The following FBXO11 variants were observed in gnomAD, a reference collection of about 807,000 sequenced individuals.
FBXO11 encodes the protein F-box only protein 11.
Under a neutral mutation model 117.0 loss-of-function variants are expected in FBXO11, and 13 were observed. The ratio of observed to expected loss-of-function variants is 0.11; its 90% CI spans 0.07 to 0.18. The LOEUF is 0.18. Ranked by LOEUF, FBXO11 falls within the 10% of genes least tolerant of loss-of-function variation. The pLI is 1.00. For synonymous variants in FBXO11, 490 were observed against 380.5 expected (o/e 1.29, Z -3.35); for missense variants, 767 against 1,164.4 (o/e 0.66, Z 4.97).
chr2:47,905,625 C>G lies in FBXO11; in HGVS notation c.96G>C (p.Pro32=), dbSNP rs1271530155. Residue 32 remains proline (P), a synonymous_variant, in exon 1 of 23, where the codon CCG becomes CCC. Coordinates refer to ENST00000403359, the MANE Select transcript of FBXO11 (RefSeq NM_001190274.2). ...GCGGCTGCTGCTGGGGCGGCTGCGG[C>G]GGCGGCTGCTGCGGGGGCTGCTGCT... The part of the protein sequence containing the change: ...QQQQQPPQQP[P]PQPPQQQPPQ... The G allele has an allele frequency of 5.1e-6, 7 of 1,382,818 alleles. 1 individual carries two copies. In the South Asian group the frequency reaches 9.7e-5, roughly 19 times the overall value. 85.7% of individuals were successfully genotyped at this position (1,382,818 alleles called of 1,614,324 possible).
intron 1 of FBXO11, among the ~76,000 whole-genome samples, chr2:47,849,128 G>A (rs1673644593): frequency 1.3e-5 from 2 of 151,726 alleles, no homozygotes; most frequent in South Asian, 4.2e-4. Flanking sequence ...AACACAGTTG[G>A]AAACTACCAC....
intron 1 of FBXO11, among the ~76,000 whole-genome samples, chr2:47,845,781 C>T (rs544913406): frequency 6.6e-6 from 1 of 151,988 alleles, no homozygotes; most frequent in Non-Finnish European, 1.5e-5. Flanking sequence ...CCAATCAGTA[C>T]TCAATAAATA....
At chr2:47,860,170 CTTCTGT>C (rs769519164) in intron 1 of FBXO11, among the ~76,000 whole-genome samples, 4 of 152,106 alleles carry the variant, frequency 2.6e-5, no homozygotes, top group Non-Finnish European at 5.9e-5. Flanking sequence ...GTCTTTATTG[CTTCTGT>C]TTCTTAGTGT....
chr2:47,892,005 T>C (rs530399867), intron 1 of FBXO11, among the ~76,000 whole-genome samples: 5 of 152,230 alleles, frequency 3.3e-5, no homozygotes, highest in Non-Finnish European at 7.3e-5. Context: ...TCCTTAAATA[T>C]TTTGGAGATT....
chr2:47,839,829 A>G, intron 1 of FBXO11, 60 bp from the exon 2 acceptor site: 1 of 1,503,354 alleles, frequency 6.7e-7, no homozygotes, highest in Non-Finnish European at 9.0e-7. Flanking sequence ...TTCTATGGAT[A>G]CAGAAAACTT....
intron 1 of FBXO11, among the ~76,000 whole-genome samples, chr2:47,886,408 A>G (rs922140566): frequency 2.8e-4 from 43 of 151,400 alleles, no homozygotes; most frequent in African/African-American, 9.7e-4. Context: ...CAGGAGGCTG[A>G]GGCAGGAGAA....
chr2:47,853,671 T>C (rs1674056602), intron 1 of FBXO11, among the ~76,000 whole-genome samples: 1 of 152,244 alleles, frequency 6.6e-6, no homozygotes, highest in African/African-American at 2.4e-5. Context: ...AAAATGGAGA[T>C]AATCATGGTG....
chr2:47,901,157 ATATACATATATATGTATATATATG>A (rs1458132729), intron 1 of FBXO11, among the ~76,000 whole-genome samples: 5 of 138,342 alleles, frequency 3.6e-5, no homozygotes, highest in African/African-American at 5.3e-5. Context: ...GTGTGTACAT[ATATACATATATATGTATATATATG>A]TGGGTACATA....
chr2:47,835,955 G>A lies in FBXO11; in HGVS notation c.634C>T (p.His212Tyr). 6.2e-7 allele frequency: 1 copy of A among 1,610,372 alleles called. No homozygotes were observed. Among genetic ancestry groups the A allele is most frequent in the South Asian group, 1.1e-5 (1 of 90,890 alleles). The change falls in exon 5 of 23, where the codon CAT (histidine) becomes TAT (tyrosine). Residue 212 changes from histidine (H) to tyrosine (Y), a missense_variant. By Grantham distance (83) the His-to-Tyr change is moderately conservative. Around this residue, in one of 10 missense-constraint regions of FBXO11, gnomAD observed 355 missense variants for 299.8 expected, o/e 1.18. Coordinates refer to ENST00000403359, the MANE Select transcript of FBXO11 (RefSeq NM_001190274.2). ...TGGTAGAATTTTCCAGGTTCAGGAT[G>A]CATCATAGGGCGAGTATATTCAAAT... The part of the protein sequence containing the change: ...EVFEYTRPMM[H>Y]PEPGKFYQIN...
At position 47,809,260 on chromosome 2, in the gene FBXO11, T is replaced by C. The variant is rs777062953; in HGVS notation, c.2453A>G (p.Lys818Arg). 2.6e-6 allele frequency: 4 copies of C among 1,559,020 alleles called. No homozygotes were observed. The highest frequency in any genetic ancestry group is 4.5e-5 in the East Asian group (2 of 44,440). The part of the protein sequence containing the change: ...SGVNVTMKDN[K>R]IMNNQDAIEK... ...TATGGCATCTTGATTGTTCATTATT[T>C]TGTTATCTGTAATAAAAGAAAGAAT... Residue 818 changes from lysine to arginine, a missense_variant, in exon 21 of 23, where the codon AAA becomes AGA. Transcript: ENST00000403359.
intron 1 of FBXO11, among the ~76,000 whole-genome samples, chr2:47,894,055 C>T (rs964042581): frequency 1.3e-5 from 2 of 152,184 alleles, no homozygotes; most frequent in Non-Finnish European, 2.9e-5. Context: ...CAATTTCAAT[C>T]AAGTAGTTCC....
At chr2:47,867,155 G>GT (rs1675260178) in intron 1 of FBXO11, among the ~76,000 whole-genome samples, 1 of 152,170 alleles carries the variant, frequency 6.6e-6, no homozygotes, top group Non-Finnish European at 1.5e-5. Flanking sequence ...GTACAGTGCA[G>GT]TATCAGTCAG....
chr2:47,825,481 A>T (rs1671681476), intron 11 of FBXO11, among the ~76,000 whole-genome samples: 1 of 150,822 alleles, frequency 6.6e-6, no homozygotes, highest in African/African-American at 2.4e-5. Flanking sequence ...AGATGTTTTC[A>T]CCCATGAGGA....
At chr2:47,836,320 T>C (rs1363547617) in intron 4 of FBXO11, among the ~76,000 whole-genome samples, 2 of 152,168 alleles carry the variant, frequency 1.3e-5, no homozygotes, top group African/African-American at 4.8e-5. Flanking sequence ...TGAAAACGTA[T>C]TTTTCACATT....
At chr2:47,836,059 T>C in intron 4 of FBXO11, 58 bp from the exon 5 acceptor site, 1 of 1,293,778 alleles carries the variant, frequency 7.7e-7, no homozygotes, top group Non-Finnish European at 1.1e-6. Context: ...ATTAATACAG[T>C]TTTGAACAAC....
At chr2:47,864,100 T>C (rs1675002653) in intron 1 of FBXO11, among the ~76,000 whole-genome samples, 1 of 152,204 alleles carries the variant, frequency 6.6e-6, no homozygotes, top group Non-Finnish European at 1.5e-5. Flanking sequence ...TTTGGTCATG[T>C]TTACAAAGGC....
In FBXO11 at chr2:47,810,320, G is replaced by T; in HGVS notation, c.2334C>A (p.Ala778=). 2 of 1,599,172 alleles carry T rather than the reference G, an allele frequency of 1.3e-6. No homozygotes were observed. The highest frequency in any genetic ancestry group is 1.7e-6 in the Non-Finnish European group (2 of 1,171,582). The change falls in exon 19 of 23, where the codon GCC becomes GCA. Residue 778 remains alanine (A), a synonymous_variant. Transcript: ENST00000403359. The stretch of plus-strand genomic sequence containing the variant: ...GTAAGAAAAGAAAATACAAACCTGC[G>T]GCAAATCCATCAAATATTCTGTTTT... ...LRKNRIFDGF[A]AGIEITNHAT... is the part of the protein sequence containing the mutation.
rs778499851 is a variant in FBXO11 at position 47,823,348 on chromosome 2, T to C, written c.1411A>G (p.Ser471Gly). 6.2e-7 allele frequency: 1 copy of C among 1,602,416 alleles called. No homozygotes were observed. Among genetic ancestry groups the C allele is most frequent in the South Asian group, 1.1e-5 (1 of 88,524 alleles). Residue 471 changes from serine to glycine, a missense_variant, in exon 12 of 23, where the codon AGT (serine) becomes GGT (glycine). Coordinates refer to ENST00000403359, the MANE Select transcript of FBXO11 (RefSeq NM_001190274.2). ...TFDHGMGYFE[S>G]CNIHRNRIAG... The stretch of plus-strand genomic sequence containing the variant: ...ATCCTATTTCTGTGTATATTGCAAC[T>C]TTCAAAGTAACCCTGAAAAATACAG...
At chr2:47,872,070 A>C (rs1336290636) in intron 1 of FBXO11, among the ~76,000 whole-genome samples, 1 of 152,056 alleles carries the variant, frequency 6.6e-6, no homozygotes, top group African/African-American at 2.4e-5. Flanking sequence ...TTTTTCCGGC[A>C]CCATTTCTGC....
Sources: allele counts gnomAD v4.1 joint callset (sites outside exome capture counted in the v4.1 genomes callset), GRCh38; gene constraint gnomAD v4.1.1; regional missense constraint gnomAD v4.1.1; transcripts MANE v1.5; gene names NCBI Gene and HGNC (gene_info 2026-07-23, HGNC 2026-07-21).